PACRG: variants seen among roughly 807,000 people sequenced by gnomAD.
PACRG encodes the protein parkin coregulated gene protein.
A neutral mutation model predicts 29.7 loss-of-function variants in PACRG; 29 were observed. That is an observed-to-expected ratio of 0.98 (90% confidence interval 0.73 to 1.33). The LOEUF (loss-of-function observed/expected upper bound fraction) is 1.33, where lower values mean the gene tolerates loss of function less well. Among genes scored for constraint, PACRG ranks in the 40% most tolerant of loss-of-function variants. The pLI is 0.00. For synonymous variants in PACRG, 116 were observed against 118.7 expected (o/e 0.98, Z 0.15); for missense variants, 279 against 316.2 (o/e 0.88, Z 0.89).
At chr6:162,918,224 A>G (rs1796828121) in intron 2 of PACRG, among the ~76,000 whole-genome samples, 1 of 152,220 alleles carries the variant, frequency 6.6e-6, no homozygotes, top group Non-Finnish European at 1.5e-5. Flanking sequence ...AGAAAATGTG[A>G]TAACACTTTA....
intron 2 of PACRG, among the ~76,000 whole-genome samples, chr6:162,860,799 G>A (rs1350154214): frequency 2.6e-5 from 4 of 152,132 alleles, no homozygotes; most frequent in South Asian, 2.1e-4. Flanking sequence ...GGCTTAGAGT[G>A]GATAATTATT....
chr6:162,973,127 A>T (rs947457128), intron 2 of PACRG, among the ~76,000 whole-genome samples: 5 of 152,218 alleles, frequency 3.3e-5, no homozygotes, highest in South Asian at 2.1e-4. Flanking sequence ...AGTGATGCTG[A>T]TGTTGGTGAT....
At chr6:162,894,285 T>C (rs112408145) in intron 2 of PACRG, among the ~76,000 whole-genome samples, 4 of 152,354 alleles carry the variant, frequency 2.6e-5, no homozygotes, top group African/African-American at 9.6e-5. Flanking sequence ...TACGACTTGA[T>C]TCCAGGTTAG....
chr6:163,101,962 C>T lies in PACRG; in HGVS notation c.613+12554C>T, dbSNP rs142019996. On this transcript the variant is annotated intron_variant, in intron 4 of 4. Coordinates refer to ENST00000366888, the MANE Select transcript of PACRG (RefSeq NM_001080379.2). ...AAGTTGAGTGCTTACTATGTGCCAG[C>T]GCAGCAAAGCTTCCTAAAAAATCCT... Among the ~76,000 whole-genome samples, 420 of 152,274 alleles carry T rather than the reference C, an allele frequency of 2.8e-3. 2 individuals carry two copies. The highest frequency in any genetic ancestry group is 9.4e-3 in the African/African-American group (390 of 41,556).
At chr6:162,756,100 G>A (rs1271584589) in intron 1 of PACRG, among the ~76,000 whole-genome samples, 1 of 152,110 alleles carries the variant, frequency 6.6e-6, no homozygotes, top group Non-Finnish European at 1.5e-5. Flanking sequence ...ATGATCACTT[G>A]AGAAAAATGT....
At chr6:163,305,999 A>C (rs1237097611) in intron 4 of PACRG, among the ~76,000 whole-genome samples, 1 of 152,180 alleles carries the variant, frequency 6.6e-6, no homozygotes, top group African/African-American at 2.4e-5. Flanking sequence ...TCATTCTTGC[A>C]CTTCAGCAGA....
chr6:162,942,413 A>AT (rs1323102632), intron 2 of PACRG, among the ~76,000 whole-genome samples: 9 of 150,228 alleles, frequency 6.0e-5, no homozygotes, highest in Admixed American at 3.3e-4. Context: ...TTTTCATTCT[A>AT]TTTTTTTTTC....
intron 4 of PACRG, chr6:163,095,351 T>C: frequency 4.1e-6 from 4 of 985,386 alleles, no homozygotes; most frequent in Non-Finnish European, 4.8e-6. Flanking sequence ...TGGTTGCGCC[T>C]GCCCGGAGGG....
At chr6:162,952,516 C>T (rs944949234) in intron 2 of PACRG, among the ~76,000 whole-genome samples, 4 of 152,206 alleles carry the variant, frequency 2.6e-5, no homozygotes, top group Non-Finnish European at 5.9e-5. Context: ...AGCCTCAAGT[C>T]TAAATTAAAT....
chr6:163,298,261 A>C (rs932631269), intron 4 of PACRG, among the ~76,000 whole-genome samples: 2 of 152,140 alleles, frequency 1.3e-5, no homozygotes, highest in Non-Finnish European at 2.9e-5. Context: ...AAAGGAAAAA[A>C]AAAAAAGCCC....
chr6:163,307,904 C>G (rs1332019202), intron 4 of PACRG, among the ~76,000 whole-genome samples: 1 of 152,174 alleles, frequency 6.6e-6, no homozygotes, highest in Admixed American at 6.5e-5. Context: ...TCCTTCACCT[C>G]CAGAAAAGAC....
At chr6:163,097,192 GT>G (rs2128309706) in intron 4 of PACRG, among the ~76,000 whole-genome samples, 1 of 152,286 alleles carries the variant, frequency 6.6e-6, no homozygotes, top group East Asian at 1.9e-4. Context: ...TATATTTGTG[GT>G]TTCTCTGTAT....
chr6:162,752,963 T>G (rs1011586456), intron 1 of PACRG, among the ~76,000 whole-genome samples: 1 of 152,164 alleles, frequency 6.6e-6, no homozygotes, highest in African/African-American at 2.4e-5. Flanking sequence ...TATTTAAAAC[T>G]TATTAATGTT....
At chr6:163,102,386 C>A (rs1424435158) in intron 4 of PACRG, among the ~76,000 whole-genome samples, 1 of 152,138 alleles carries the variant, frequency 6.6e-6, no homozygotes, top group African/African-American at 2.4e-5. Context: ...TGAAGAACTG[C>A]AATCCAATCT....
chr6:162,988,099 C>T (rs1326458761), intron 2 of PACRG, among the ~76,000 whole-genome samples: 1 of 152,132 alleles, frequency 6.6e-6, no homozygotes, highest in African/African-American at 2.4e-5. Flanking sequence ...TTTTGGTTTT[C>T]CTGGTACATT....
chr6:162,801,546 A>G (rs970046235), intron 1 of PACRG, among the ~76,000 whole-genome samples: 1 of 152,234 alleles, frequency 6.6e-6, no homozygotes, highest in Non-Finnish European at 1.5e-5. Context: ...GTAATTTATT[A>G]TAATATGCAC....
chr6:163,236,715 A>G (rs972030078), intron 4 of PACRG, among the ~76,000 whole-genome samples: 1 of 152,198 alleles, frequency 6.6e-6, no homozygotes, highest in Non-Finnish European at 1.5e-5. Flanking sequence ...GGGGCATTGA[A>G]TGGTTGATTG....
At chr6:162,748,372 T>A (rs1217939683) in intron 1 of PACRG, among the ~76,000 whole-genome samples, 1 of 151,982 alleles carries the variant, frequency 6.6e-6, no homozygotes, top group African/African-American at 2.4e-5. Flanking sequence ...ACCTGCCTGT[T>A]ATCCCAGCTA....
chr6:163,176,606 TC>T lies in PACRG; in HGVS notation c.613+87200del, dbSNP rs538060879. Among the ~76,000 whole-genome samples, 12 of 152,278 alleles carry T rather than the reference TC, an allele frequency of 7.9e-5. No homozygotes were observed. The South Asian group carries it at 2.5e-3, about 32-fold the overall frequency. On this transcript the variant is annotated intron_variant, in intron 4 of 4. Transcript: ENST00000366888. ...GGGAGAAACTCAGACAAAATTCCTG[TC>T]CTTAAAGAGACTGCAGTCAAGTTTG...
Sources: gnomAD v4.1 joint callset for allele counts (sites outside exome capture counted in the v4.1 genomes callset) on GRCh38, gnomAD v4.1.1 for gene constraint, MANE v1.5 for transcripts, NCBI Gene and HGNC (gene_info 2026-07-23, HGNC 2026-07-21) for gene names.